The following SAMD4B variants were observed in gnomAD, a reference collection of about 807,000 sequenced individuals.
SAMD4B encodes the protein sterile alpha motif domain containing 4B.
In SAMD4B, 5 loss-of-function variants were observed where a neutral mutation model predicts 74.5. The observed-to-expected ratio is 0.07, with a 90% confidence interval of 0.04 to 0.14. The LOEUF is 0.14. SAMD4B is among the 10% of genes least tolerant of loss of function. The pLI is 1.00. For missense variants in SAMD4B, 608 were observed against 921.8 expected (o/e 0.66, Z 4.41); for synonymous variants, 373 against 374.9 (o/e 1.00, Z 0.06).
intron 3 of SAMD4B, among the ~76,000 whole-genome samples, chr19:39,361,352 C>T (rs1313120367): frequency 6.6e-6 from 1 of 152,214 alleles, no homozygotes; most frequent in East Asian, 1.9e-4. Context: ...CGCCATGGCT[C>T]ACACCTGTAA....
chr19:39,385,313 C>T lies in SAMD4B; in HGVS notation c.*1786C>T, dbSNP rs959795946. The T allele has an allele frequency of 1.0e-5, 4 of 385,322 alleles. No homozygotes were observed. Among genetic ancestry groups the T allele is most frequent in the African/African-American group, 8.3e-5 (4 of 48,258 alleles). The allele number at this position is 385,322 out of a possible 1,614,324, so 23.9% of individuals were successfully genotyped here. A position where few individuals can be genotyped will look rare whatever the true frequency, so the allele number is the denominator to read the frequency against. ...GGTGTCCCTCTCATGGGACCCTCCC[C>T]TCTCCCCAGCCTGTCCTGTCTTGTT... On this transcript the variant is annotated 3_prime_UTR_variant, in exon 14 of 14. Transcript: ENST00000610417.
Position 39,380,484 on chromosome 19 carries a change from A to G in SAMD4B, c.1650-103A>G, listed in dbSNP as rs2077897718. 2.5e-6 allele frequency: 3 copies of G among 1,216,186 alleles called. No homozygotes were observed. In the South Asian group the frequency reaches 3.7e-5, roughly 15 times the overall value. 75.3% of individuals were successfully genotyped at this position (1,216,186 alleles called of 1,614,324 possible). The stretch of plus-strand genomic sequence containing the variant: ...AGGACAGAATGTGTGATGGAGGTTT[A>G]TGTTCTCTCCTACAACTTGGGGTTG... On this transcript the variant is annotated intron_variant, in intron 10 of 13. Transcript: ENST00000610417.
At chr19:39,368,428 G>A (rs1057223298) in intron 3 of SAMD4B, among the ~76,000 whole-genome samples, 3 of 152,194 alleles carry the variant, frequency 2.0e-5, no homozygotes, top group African/African-American at 7.2e-5. Flanking sequence ...CAGCCAAGGT[G>A]TGGAGCTTGG....
At chr19:39,369,535 A>C (rs1163245311) in intron 3 of SAMD4B, 120 bp from the exon 4 acceptor site, 1 of 776,190 alleles carries the variant, frequency 1.3e-6, no homozygotes, top group Non-Finnish European at 2.1e-6. Context: ...GGAGTTATGA[A>C]AAGAAAATCG....
intron 3 of SAMD4B, among the ~76,000 whole-genome samples, chr19:39,362,689 G>A (rs1401801689): frequency 6.6e-6 from 1 of 152,072 alleles, no homozygotes; most frequent in Non-Finnish European, 1.5e-5. Context: ...CTGTTCCTAT[G>A]GACAGGAGGA....
At chr19:39,357,901 C>T (rs369458302) in intron 3 of SAMD4B, among the ~76,000 whole-genome samples, 5 of 152,362 alleles carry the variant, frequency 3.3e-5, no homozygotes, top group East Asian at 3.9e-4. Flanking sequence ...TTTGCACCTT[C>T]TTCTTCAGAA....
chr19:39,355,042 T>C (rs2076267538), intron 2 of SAMD4B, among the ~76,000 whole-genome samples: 1 of 152,090 alleles, frequency 6.6e-6, no homozygotes, highest in East Asian at 1.9e-4. Flanking sequence ...CCGGCTAATT[T>C]TTGTATTTTT....
intron 2 of SAMD4B, among the ~76,000 whole-genome samples, chr19:39,355,364 A>C (rs1166468789): frequency 6.6e-6 from 1 of 152,160 alleles, no homozygotes; most frequent in East Asian, 1.9e-4. Context: ...CAGTCTGTTT[A>C]GGGGTCCCAC....
intron 3 of SAMD4B, among the ~76,000 whole-genome samples, chr19:39,367,705 C>T (rs1014926938): frequency 3.3e-5 from 5 of 151,106 alleles, no homozygotes; most frequent in East Asian, 2.0e-4. Context: ...GACAGGCTTT[C>T]ACCATGTCGG....
chr19:39,371,219 G>A (rs1163663965), intron 4 of SAMD4B, among the ~76,000 whole-genome samples: 1 of 152,216 alleles, frequency 6.6e-6, no homozygotes, highest in Non-Finnish European at 1.5e-5. Flanking sequence ...ACAAGAGAGA[G>A]TGACAGTGAA....
At chr19:39,381,447 A>G (rs993442670) in intron 12 of SAMD4B, among the ~76,000 whole-genome samples, 2 of 152,026 alleles carry the variant, frequency 1.3e-5, no homozygotes, top group African/African-American at 4.8e-5. Context: ...TGAATACTCA[A>G]CTTAGAAGGG....
chr19:39,390,235 C>A (rs368373228), downstream of SAMD4B: 2 of 1,613,724 alleles, frequency 1.2e-6, no homozygotes, highest in African/African-American at 2.7e-5. Context: ...CCCCACCGCT[C>A]CTGGGAAAGC....
chr19:39,383,547 C>T lies in SAMD4B; in HGVS notation c.*20C>T. ...ATCTGACGGGACCCACAGCCCAGCG[C>T]ACCCATAGGCTCCCTGGGCGGCGGG... On this transcript the variant is annotated 3_prime_UTR_variant, in exon 14 of 14. Transcript: ENST00000610417. The surrounding 1 kb of genome is among the most constrained non-coding windows in gnomAD (Gnocchi z 4.1). 6.2e-7 allele frequency: 1 copy of T among 1,614,268 alleles called. No individual in the cohort carries two copies. The highest frequency in any genetic ancestry group is 8.5e-7 in the Non-Finnish European group (1 of 1,180,052).
downstream of SAMD4B, chr19:39,389,437 C>G: frequency 6.2e-7 from 1 of 1,611,410 alleles, no homozygotes; most frequent in Middle Eastern, 1.7e-4. The surrounding 1 kb of genome is among the most constrained non-coding windows in gnomAD (Gnocchi z 5.3). Flanking sequence ...GCTTGTAGGG[C>G]CCACCTGAGC....
chr19:39,348,311 C>T (rs1437811858), intron 1 of SAMD4B: 1 of 152,194 alleles, frequency 6.6e-6, no homozygotes, highest in Admixed American at 6.5e-5. Flanking sequence ...GGAAGAGCTG[C>T]AGCCTTTGAA....
In SAMD4B at chr19:39,377,644, G is replaced by A. The variant is rs752979348; in HGVS notation, c.1264G>A (p.Gly422Ser). Residue 422 changes from glycine to serine, a missense_variant, in exon 8 of 14, where the codon GGT becomes AGT. Gly to Ser is a moderately conservative substitution (Grantham distance 56, BLOSUM62 0). Around this residue, in one of 9 missense-constraint regions of SAMD4B, gnomAD observed 99 missense variants for 112.1 expected, o/e 0.88. Transcript: ENST00000610417. ...GGCCCCGGGGGAACCACCGCTGCCA[G>A]GTGCTGAGCCTCCCCTAGCCCACCC... is the stretch of plus-strand genomic sequence containing the variant. ...DGAPGEPPLP[G>S]AEPPLAHPGT... is the part of the protein sequence containing the mutation. 38 of 1,614,066 alleles carry A rather than the reference G, an allele frequency of 2.4e-5. No individual in the cohort carries two copies. The highest frequency in any genetic ancestry group is 1.7e-4 in the Middle Eastern group (1 of 6,060).
At chr19:39,369,449 T>TA (rs993329008) in intron 3 of SAMD4B, 34 of 579,886 alleles carry the variant, frequency 5.9e-5, no homozygotes, top group African/African-American at 1.9e-4. Context: ...CCCCATCTCT[T>TA]AAAAAAAATA....
intron 3 of SAMD4B, among the ~76,000 whole-genome samples, chr19:39,357,526 T>C (rs1406468337): frequency 6.6e-6 from 1 of 152,254 alleles, no homozygotes; most frequent in Non-Finnish European, 1.5e-5. Context: ...TAGGTTGGAC[T>C]TAAAGCATAA....
At chr19:39,352,715 G>T (rs751306702) in intron 1 of SAMD4B, among the ~76,000 whole-genome samples, 1 of 151,698 alleles carries the variant, frequency 6.6e-6, no homozygotes, top group Non-Finnish European at 1.5e-5. Flanking sequence ...TTGGCCTGGG[G>T]GGAAAAGCTG....
Sources: gnomAD v4.1 joint callset for allele counts (sites outside exome capture counted in the v4.1 genomes callset) on GRCh38, gnomAD v4.1.1 for gene constraint, gnomAD v4.1.1 regional missense constraint, Gnocchi (gnomAD v3.1) non-coding constraint, MANE v1.5 for transcripts, NCBI Gene and HGNC (gene_info 2026-07-23, HGNC 2026-07-21) for gene names.